The following TTC6 variants were observed in gnomAD, a reference collection of about 807,000 sequenced individuals.
TTC6 encodes tetratricopeptide repeat protein 6.
A neutral mutation model predicts 210.4 loss-of-function variants in TTC6; 172 were observed. That is an observed-to-expected ratio of 0.82 (90% CI 0.72 to 0.93). The LOEUF (loss-of-function observed/expected upper bound fraction) is 0.93. TTC6 is among the 40% of genes least tolerant of loss of function. The pLI, the probability that TTC6 is intolerant of heterozygous loss-of-function variation, is 0.00. For missense variants in TTC6, 2,414 were observed against 2,318.1 expected (o/e 1.04, Z -0.85); for synonymous variants, 804 against 819.6 (o/e 0.98, Z 0.32).
intron 1 of TTC6, among the ~76,000 whole-genome samples, chr14:37,635,229 C>T (rs1184424226): frequency 1.3e-5 from 2 of 152,126 alleles, no homozygotes; most frequent in Non-Finnish European, 2.9e-5. Context: ...TCATGTGTAA[C>T]TCTAATTGGA....
chr14:37,787,591 C>A, exon 15 of TTC6: 1 of 1,521,108 alleles, frequency 6.6e-7, no homozygotes, highest in Non-Finnish European at 8.8e-7. Flanking sequence ...GTTGCTTATT[C>A]AGAAAGAGTA....
At chr14:37,603,792 G>C (rs1442295272) in intron 1 of TTC6, among the ~76,000 whole-genome samples, 1 of 152,276 alleles carries the variant, frequency 6.6e-6, no homozygotes, top group East Asian at 1.9e-4. Flanking sequence ...AAACTCCATT[G>C]GGGGCGTATT....
At chr14:37,639,163 G>T (rs184793335) in intron 1 of TTC6, among the ~76,000 whole-genome samples, 2 of 152,238 alleles carry the variant, frequency 1.3e-5, no homozygotes, top group East Asian at 1.9e-4. Context: ...GTATTTAAAT[G>T]TTTTCTTGGC....
chr14:37,718,527 C>G (rs1413022791), intron 6 of TTC6, among the ~76,000 whole-genome samples: 2 of 151,106 alleles, frequency 1.3e-5, no homozygotes, highest in Non-Finnish European at 2.9e-5. Context: ...GCTGGAAATT[C>G]TAGGCAGTGC....
At chr14:37,609,797 C>T (rs974816563) in intron 2 of TTC6, among the ~76,000 whole-genome samples, 5 of 152,120 alleles carry the variant, frequency 3.3e-5, no homozygotes, top group South Asian at 2.1e-4. Context: ...ACTTCACAAG[C>T]ACTTTGGCTA....
chr14:37,686,657 C>T (rs867083723), intron 3 of TTC6, among the ~76,000 whole-genome samples: 2 of 152,080 alleles, frequency 1.3e-5, no homozygotes, highest in Admixed American at 6.6e-5. Context: ...GAAGGTGAGA[C>T]GTGTGTCTCA....
chr14:37,835,042 A>C (rs780844061), intron 29 of TTC6, among the ~76,000 whole-genome samples: 3 of 152,160 alleles, frequency 2.0e-5, no homozygotes, highest in Non-Finnish European at 4.4e-5. Context: ...GATGCCAGGC[A>C]GTCCAGTCCT....
rs144353038 is a variant in TTC6 at position 37,806,716 on chromosome 14, C to T, written c.4314+206C>T. ...TCAGTGATATTCTGATATATATAAA[C>T]GTATCTGTGAATGTGATATATGTAA... On this transcript the variant is annotated intron_variant, in intron 22 of 30. Coordinates refer to ENST00000553443, the Ensembl canonical transcript of TTC6. Among the ~76,000 whole-genome samples the T allele has an allele frequency of 3.5e-3, 525 of 152,106 alleles. 3 individuals carry two copies. Among genetic ancestry groups the T allele is most frequent in the African/African-American group, 0.011 (457 of 41,476 alleles).
chr14:37,787,681 A>T, intron 15 of TTC6, 44 bp downstream of exon 17: 2 of 1,373,784 alleles, frequency 1.5e-6, no homozygotes, highest in Non-Finnish European at 1.9e-6. Context: ...CCAATCTGAG[A>T]TTCAACAGCT....
Position 37,807,385 on chromosome 14 carries a change from TA to T in TTC6, c.4382del (p.Asn1461ThrfsTer20). The T allele has an allele frequency of 6.5e-7, 1 of 1,531,086 alleles. No homozygotes were observed. The highest frequency in any genetic ancestry group is 8.7e-7 in the Non-Finnish European group (1 of 1,143,300). 94.8% of individuals were successfully genotyped at this position (1,531,086 alleles called of 1,614,324 possible). A position where few individuals can be genotyped will look rare whatever the true frequency, so the allele number is the denominator to read the frequency against. On this transcript the variant is annotated frameshift_variant, in exon 23 of 31. Transcript: ENST00000553443. LOFTEE classifies it high-confidence loss of function. ...GGTATTCCAAAGCAATCTTGAATTG[TA>T]ACAAGGCTATTAAAATTTACCCTGA...
At chr14:37,720,630 G>A (rs2095860095) in intron 6 of TTC6, 1 of 151,140 alleles carries the variant, frequency 6.6e-6, no homozygotes, top group Admixed American at 6.6e-5. Context: ...GAAAACTGTG[G>A]TACATCCACA....
intron 6 of TTC6, among the ~76,000 whole-genome samples, chr14:37,717,741 A>G (rs1009652845): frequency 6.6e-6 from 1 of 152,108 alleles, no homozygotes; most frequent in Non-Finnish European, 1.5e-5. Context: ...CTAGACAAAG[A>G]CAGTAAAAAA....
chr14:37,739,148 C>G, exon 10 of TTC6: 1 of 1,496,670 alleles, frequency 6.7e-7, no homozygotes, highest in Non-Finnish European at 8.8e-7. Context: ...TCCAAAATCT[C>G]TTGAAAGGTC....
At chr14:37,766,809 T>A (rs1382681177) in intron 14 of TTC6, among the ~76,000 whole-genome samples, 1 of 152,164 alleles carries the variant, frequency 6.6e-6, no homozygotes, top group Non-Finnish European at 1.5e-5. Context: ...TTTTTATTTT[T>A]TATTATTATA....
chr14:37,622,197 G>T (rs1039877359), exon 1 of TTC6: 5 of 1,535,464 alleles, frequency 3.3e-6, no homozygotes, highest in Non-Finnish European at 3.5e-6. Context: ...CTCCAAGCCG[G>T]CTGTAGATGA....
intron 14 of TTC6, among the ~76,000 whole-genome samples, chr14:37,786,865 T>C (rs2096068989): frequency 6.6e-6 from 1 of 152,252 alleles, no homozygotes. Context: ...ATGGATATGC[T>C]TCACATTATT....
rs188354112 is a variant in TTC6 at position 37,840,666 on chromosome 14, T to C, written c.5299-779T>C. Among the ~76,000 whole-genome samples, 1,030 of 152,352 alleles carry C rather than the reference T, an allele frequency of 6.8e-3. 3 individuals carry two copies. The highest frequency in any genetic ancestry group is 0.01 in the Non-Finnish European group (694 of 68,026). On this transcript the variant is annotated intron_variant, in intron 29 of 30. Coordinates refer to ENST00000553443, the Ensembl canonical transcript of TTC6. Reference sequence around the variant, plus strand: ...TCCACACATGATCAAGTTGGCTTCATTCCTGGGATGCAAGGCTGGTTCAAC... The same window carrying C: ...TCCACACATGATCAAGTTGGCTTCACTCCTGGGATGCAAGGCTGGTTCAAC...
rs534830910 is a variant in TTC6, at chr14:37,826,529, G to A, written c.5127+182G>A. 1.3e-3 allele frequency among the ~76,000 whole-genome samples: 204 copies of A among 151,974 alleles called. 1 individual carries two copies. Among genetic ancestry groups the A allele is most frequent in the Admixed American group, 0.01 (154 of 15,234 alleles). The stretch of plus-strand genomic sequence containing the variant: ...GTTATGGCTTGCCAATTTTATAACT[G>A]AAATGCACTAAAACCCCAAAGTTCT... On this transcript the variant is annotated intron_variant, in intron 28 of 30. Coordinates refer to ENST00000553443, the Ensembl canonical transcript of TTC6.
At chr14:37,809,726 T>C (rs547761310) in intron 24 of TTC6, among the ~76,000 whole-genome samples, 5 of 152,250 alleles carry the variant, frequency 3.3e-5, no homozygotes, top group African/African-American at 1.2e-4. Context: ...AAACCTTTTT[T>C]TCCATTTGTC....
Sources: allele counts gnomAD v4.1 joint callset (sites outside exome capture counted in the v4.1 genomes callset), GRCh38; gene constraint gnomAD v4.1.1; transcripts MANE v1.5; gene names NCBI Gene and HGNC (gene_info 2026-07-23, HGNC 2026-07-21).